Variants in REEP5 observed in about 807,000 individuals in gnomAD.
REEP5 encodes the protein receptor accessory protein 5, also known as receptor expression-enhancing protein 5.
In REEP5, 24 loss-of-function variants were observed where a neutral mutation model predicts 22.4. The ratio of observed to expected loss-of-function variants is 1.07; its 90% confidence interval spans 0.78 to 1.51. The LOEUF (loss-of-function observed/expected upper bound fraction) is 1.51, where lower values mean the gene tolerates loss of function less well. Ranked by LOEUF, REEP5 falls within the 40% of genes most tolerant of loss-of-function variation. The pLI is 0.00. For synonymous variants in REEP5, 103 were observed against 88.6 expected (o/e 1.16, Z -0.92); for missense variants, 252 against 233.0 (o/e 1.08, Z -0.53).
intron 2 of REEP5, among the ~76,000 whole-genome samples, chr5:112,908,262 C>T (rs1192781457): frequency 6.6e-6 from 1 of 151,462 alleles, no homozygotes; most frequent in African/African-American, 2.4e-5. Context: ...CACCACGCCC[C>T]GCTAGTTTTT....
chr5:112,878,383 A>G lies in REEP5; in HGVS notation c.*403T>C, dbSNP rs1332543821. 1 of 172,974 alleles carries G rather than the reference A, an allele frequency of 5.8e-6. No homozygotes were observed. The highest frequency in any genetic ancestry group is 1.2e-5 in the Non-Finnish European group (1 of 80,728). The allele number at this position is 172,974 out of a possible 1,614,324, so 10.7% of individuals were successfully genotyped here. On this transcript the variant is annotated 3_prime_UTR_variant, in exon 5 of 5. Coordinates refer to ENST00000379638, the MANE Select transcript of REEP5 (RefSeq NM_005669.5). ...ATTAAAAACATTTCAGAATTATATA[A>G]AATTGTACATTACAGGAAGTAGAAC...
intron 4 of REEP5, among the ~76,000 whole-genome samples, chr5:112,882,926 C>T (rs1286654386): frequency 1.3e-5 from 2 of 152,166 alleles, no homozygotes; most frequent in Non-Finnish European, 2.9e-5. Context: ...GTCACATGTG[C>T]TCACAGCATA....
At chr5:112,898,879 T>C (rs999398017) in intron 3 of REEP5, among the ~76,000 whole-genome samples, 4 of 152,240 alleles carry the variant, frequency 2.6e-5, no homozygotes, top group African/African-American at 9.6e-5. Context: ...ATTTTTATTT[T>C]CTTCCATCAG....
At chr5:112,880,301 C>T (rs1768030323) in intron 4 of REEP5, among the ~76,000 whole-genome samples, 1 of 152,146 alleles carries the variant, frequency 6.6e-6, no homozygotes, top group Non-Finnish European at 1.5e-5. Context: ...CCAAGCCTTC[C>T]ACTTTCTAAT....
At chr5:112,907,101 A>T (rs1266664997) in intron 2 of REEP5, among the ~76,000 whole-genome samples, 3 of 152,242 alleles carry the variant, frequency 2.0e-5, no homozygotes, top group African/African-American at 7.2e-5. Flanking sequence ...AGATTTCAAG[A>T]ACTGCATCTA....
At chr5:112,921,481 T>G (rs1243736213) in intron 1 of REEP5, 9 of 570,720 alleles carry the variant, frequency 1.6e-5, no homozygotes, top group Non-Finnish European at 2.8e-5. Context: ...CTCTCCTACC[T>G]CCCGCAGGGG....
intron 3 of REEP5, among the ~76,000 whole-genome samples, chr5:112,890,483 C>T (rs1768405867): frequency 6.7e-6 from 1 of 150,338 alleles, no homozygotes; most frequent in Non-Finnish European, 1.5e-5. Flanking sequence ...ATTCTCCCGC[C>T]TCAGCCCCCC....
At chr5:112,910,146 T>TA (rs2150046703) in intron 2 of REEP5, among the ~76,000 whole-genome samples, 1 of 152,250 alleles carries the variant, frequency 6.6e-6, no homozygotes, top group East Asian at 1.9e-4. Context: ...CTACTAAAAA[T>TA]ACAAAAATTA....
chr5:112,901,135 G>A (rs1279369900), intron 3 of REEP5, among the ~76,000 whole-genome samples: 1 of 152,004 alleles, frequency 6.6e-6, no homozygotes, highest in Non-Finnish European at 1.5e-5. Flanking sequence ...CACCACGCCT[G>A]GCCAAGAGTA....
At chr5:112,880,740 C>T (rs1384696020) in intron 4 of REEP5, among the ~76,000 whole-genome samples, 1 of 152,028 alleles carries the variant, frequency 6.6e-6, no homozygotes, top group Non-Finnish European at 1.5e-5. Flanking sequence ...AACCAAGAGG[C>T]TAAGAAATGT....
chr5:112,878,576 G>T lies in REEP5; in HGVS notation c.*210C>A. 3.3e-6 allele frequency: 2 copies of T among 608,334 alleles called. No homozygotes were observed. Among genetic ancestry groups the T allele is most frequent in the Non-Finnish European group, 5.3e-6 (2 of 376,704 alleles). 37.7% of individuals were successfully genotyped at this position (608,334 alleles called of 1,614,324 possible). A position where few individuals can be genotyped will look rare whatever the true frequency, so the allele number is the denominator to read the frequency against. ...GCAAAATACATTTTCCAAAAACGTG[G>T]ACACTGCCCACTGCATTAAGTTTAA... On this transcript the variant is annotated 3_prime_UTR_variant, in exon 5 of 5. Transcript: ENST00000379638.
intron 2 of REEP5, among the ~76,000 whole-genome samples, chr5:112,903,837 G>T (rs1186712071): frequency 6.6e-6 from 1 of 152,174 alleles, no homozygotes; most frequent in Non-Finnish European, 1.5e-5. Context: ...TCAAGACTAG[G>T]CAAAATTTTT....
intron 2 of REEP5, among the ~76,000 whole-genome samples, chr5:112,903,367 T>C (rs1286570556): frequency 3.9e-5 from 6 of 152,052 alleles, no homozygotes; most frequent in Admixed American, 1.3e-4. Context: ...TGAAAATACA[T>C]TGACAGGGAG....
At chr5:112,895,920 C>G (rs1188605323) in intron 3 of REEP5, 1 of 152,206 alleles carries the variant, frequency 6.6e-6, no homozygotes, top group African/African-American at 2.4e-5. Context: ...GCTATTTTAA[C>G]TGGACTCTTG....
At chr5:112,882,612 A>G (rs1339666327) in intron 4 of REEP5, among the ~76,000 whole-genome samples, 6 of 152,164 alleles carry the variant, frequency 3.9e-5, no homozygotes, top group African/African-American at 1.2e-4. Context: ...CTGACAGTCC[A>G]TTTACTCTCC....
intron 3 of REEP5, among the ~76,000 whole-genome samples, chr5:112,890,798 T>C (rs1310342805): frequency 6.6e-6 from 1 of 150,904 alleles, no homozygotes; most frequent in Non-Finnish European, 1.5e-5. Context: ...CCAATCCTGG[T>C]TCTGCCATTT....
intron 3 of REEP5, 67 bp downstream of exon 3, chr5:112,902,313 G>A (rs1039094401): frequency 4.2e-6 from 6 of 1,443,964 alleles, no homozygotes; most frequent in Admixed American, 4.6e-5. Context: ...CAACATTCAA[G>A]CATTTATTCC....
intron 3 of REEP5, chr5:112,893,366 T>G (rs1768562623): frequency 4.8e-6 from 1 of 210,494 alleles, no homozygotes; most frequent in Non-Finnish European, 9.6e-6. Flanking sequence ...GTCGACATCA[T>G]GCCACTTCAC....
At chr5:112,906,482 G>A (rs1768958728) in intron 2 of REEP5, among the ~76,000 whole-genome samples, 1 of 152,008 alleles carries the variant, frequency 6.6e-6, no homozygotes, top group African/African-American at 2.4e-5. Flanking sequence ...CTTTTGGAGG[G>A]GACCCCAGAG....
Sources: allele counts gnomAD v4.1 joint callset (sites outside exome capture counted in the v4.1 genomes callset), GRCh38; gene constraint gnomAD v4.1.1; transcripts MANE v1.5; gene names NCBI Gene and HGNC (gene_info 2026-07-23, HGNC 2026-07-21).